VAT1L: variants seen among roughly 807,000 people sequenced by gnomAD.
VAT1L encodes the protein putative NADPH-dependent quinone oxidoreductase VAT1L.
A neutral mutation model predicts 44.1 loss-of-function variants in VAT1L; 34 were observed. That is an observed-to-expected ratio of 0.77 (90% CI 0.59 to 1.03). The LOEUF is 1.03. Ranked by LOEUF, VAT1L falls within the 50% of genes least tolerant of loss-of-function variation. VAT1L has a pLI of 0.00. For synonymous variants in VAT1L, 253 were observed against 202.2 expected (o/e 1.25, Z -2.13); for missense variants, 615 against 538.8 (o/e 1.14, Z -1.40).
At chr16:77,852,897 G>A (rs1386259582) in intron 3 of VAT1L, among the ~76,000 whole-genome samples, 1 of 152,174 alleles carries the variant, frequency 6.6e-6, no homozygotes, top group African/African-American at 2.4e-5. Context: ...TGGGAAATGA[G>A]GATGAACTAG....
chr16:77,841,341 C>T (rs933805621), intron 3 of VAT1L, among the ~76,000 whole-genome samples: 1 of 152,192 alleles, frequency 6.6e-6, no homozygotes, highest in East Asian at 1.9e-4. Flanking sequence ...CCTTGGTCTC[C>T]CAAAGTGCTA....
intron 7 of VAT1L, among the ~76,000 whole-genome samples, chr16:77,900,631 G>T (rs955511850): frequency 6.6e-6 from 1 of 150,970 alleles, no homozygotes; most frequent in Non-Finnish European, 1.5e-5. Context: ...GGAGGCAGAG[G>T]TTGCAGTGAG....
chr16:77,793,554 G>C (rs1185103125), intron 1 of VAT1L, among the ~76,000 whole-genome samples: 1 of 152,198 alleles, frequency 6.6e-6, no homozygotes. Flanking sequence ...CTGGCAGAGG[G>C]TCTCCAGGTT....
intron 7 of VAT1L, among the ~76,000 whole-genome samples, chr16:77,919,810 G>T (rs938255117): frequency 3.3e-5 from 5 of 152,096 alleles, no homozygotes; most frequent in African/African-American, 7.2e-5. Flanking sequence ...AACCTTGGCC[G>T]GGCGTGGTAG....
At chr16:77,882,054 C>T (rs911474760) in intron 6 of VAT1L, 6 of 152,156 alleles carry the variant, frequency 3.9e-5, no homozygotes, top group South Asian at 4.1e-4. Context: ...ATTTCCAGAA[C>T]GCTTTGTACC....
At chr16:77,973,635 A>C (rs1322476303) in intron 8 of VAT1L, among the ~76,000 whole-genome samples, 1 of 150,242 alleles carries the variant, frequency 6.7e-6, no homozygotes, top group Non-Finnish European at 1.5e-5. Flanking sequence ...TTGTTTCTTC[A>C]TTTACATACA....
intron 4 of VAT1L, among the ~76,000 whole-genome samples, chr16:77,872,985 TG>T (rs2017047834): frequency 6.6e-6 from 1 of 152,212 alleles, no homozygotes; most frequent in African/African-American, 2.4e-5. Context: ...AGAAATCTTT[TG>T]GTCTAGATGT....
intron 7 of VAT1L, among the ~76,000 whole-genome samples, chr16:77,916,307 G>A (rs1178809664): frequency 6.6e-6 from 1 of 152,138 alleles, no homozygotes; most frequent in Non-Finnish European, 1.5e-5. Context: ...CCCTGCAACA[G>A]CGTCCTTACA....
chr16:77,877,404 G>A (rs889818704), intron 5 of VAT1L, among the ~76,000 whole-genome samples: 2 of 151,600 alleles, frequency 1.3e-5, no homozygotes, highest in African/African-American at 4.9e-5. Context: ...CAGCTACTCG[G>A]GAGGCTGAGG....
At chr16:77,943,345 T>G (rs1423751244) in intron 7 of VAT1L, among the ~76,000 whole-genome samples, 1 of 151,282 alleles carries the variant, frequency 6.6e-6, no homozygotes, top group Non-Finnish European at 1.5e-5. Context: ...ATTACAGGCG[T>G]GAACCACCGC....
chr16:77,864,267 C>T (rs1420143011), intron 4 of VAT1L, among the ~76,000 whole-genome samples: 3 of 152,106 alleles, frequency 2.0e-5, no homozygotes, highest in Non-Finnish European at 4.4e-5. Flanking sequence ...TTGTTACGTA[C>T]AAAGGTATTA....
intron 1 of VAT1L, among the ~76,000 whole-genome samples, chr16:77,792,041 G>A (rs1289285657): frequency 6.6e-6 from 1 of 152,152 alleles, no homozygotes; most frequent in East Asian, 1.9e-4. Flanking sequence ...GCCCCTGGGG[G>A]ATGTGTCTCA....
In VAT1L at chr16:77,962,779, A is replaced by AAGGAAGGAAG. The variant is rs1194896172; in HGVS notation, c.1078-9071_1078-9070insAGGAAGGAAG. On this transcript the variant is annotated intron_variant, in intron 7 of 8. Coordinates refer to ENST00000302536, the MANE Select transcript of VAT1L (RefSeq NM_020927.3). ...AGGAAGGAAGGAAGGAAGGAAGGAA[A>AAGGAAGGAAG]GAAAGAGAAAAGAAAAAATAGCTAG... is the stretch of plus-strand genomic sequence containing the variant. Among the ~76,000 whole-genome samples the AAGGAAGGAAG allele has an allele frequency of 4.1e-3, 183 of 44,224 alleles. 1 individual carries two copies. Among genetic ancestry groups the AAGGAAGGAAG allele is most frequent in the Non-Finnish European group, 3.3e-3 (55 of 16,796 alleles). 29.0% of individuals were successfully genotyped at this position (44,224 alleles called of 152,430 possible).
At chr16:77,905,226 T>C (rs1171508228) in intron 7 of VAT1L, among the ~76,000 whole-genome samples, 1 of 152,232 alleles carries the variant, frequency 6.6e-6, no homozygotes, top group Non-Finnish European at 1.5e-5. Context: ...ATAATTTTCC[T>C]ATGGCTAAAA....
rs2018380214 is a variant in VAT1L, at chr16:77,979,757, A to G, written c.*2062A>G. 1 of 152,662 alleles carries G rather than the reference A, an allele frequency of 6.6e-6. No homozygotes were observed. The highest frequency in any genetic ancestry group is 2.4e-5 in the African/African-American group (1 of 41,468). 9.5% of individuals were successfully genotyped at this position (152,662 alleles called of 1,614,324 possible). A position where few individuals can be genotyped will look rare whatever the true frequency, so the allele number is the denominator to read the frequency against. On this transcript the variant is annotated 3_prime_UTR_variant, in exon 9 of 9. Transcript: ENST00000302536. Reference sequence around the variant, plus strand: ...ATCCAGTAATCGCAAATTACTCCAGATGGTTAAAGAAAACCCTTTCAGAAT... The same window carrying G: ...ATCCAGTAATCGCAAATTACTCCAGGTGGTTAAAGAAAACCCTTTCAGAAT...
At chr16:77,895,144 T>C (rs2017310315) in intron 7 of VAT1L, among the ~76,000 whole-genome samples, 1 of 84,882 alleles carries the variant, frequency 1.2e-5, no homozygotes, top group African/African-American at 6.2e-5. Context: ...TCTACGCACA[T>C]TCTCCCAGCT....
At chr16:77,812,336 G>A (rs554441668) in intron 1 of VAT1L, among the ~76,000 whole-genome samples, 3 of 152,246 alleles carry the variant, frequency 2.0e-5, no homozygotes, top group East Asian at 1.9e-4. Context: ...GCCTCCCAAA[G>A]TGCTGGGATT....
intron 1 of VAT1L, among the ~76,000 whole-genome samples, chr16:77,811,904 A>G (rs1039096275): frequency 4.6e-5 from 7 of 152,098 alleles, no homozygotes; most frequent in Non-Finnish European, 1.0e-4. Context: ...GATTTTGATA[A>G]TGTTTGAAAC....
At chr16:77,908,322 C>G (rs1341752072) in intron 7 of VAT1L, among the ~76,000 whole-genome samples, 2 of 150,920 alleles carry the variant, frequency 1.3e-5, no homozygotes, top group Admixed American at 1.3e-4. Flanking sequence ...ATTAGCCACA[C>G]GTGGTGGTGA....
Sources: allele counts gnomAD v4.1 joint callset (sites outside exome capture counted in the v4.1 genomes callset), GRCh38; gene constraint gnomAD v4.1.1; transcripts MANE v1.5; gene names NCBI Gene and HGNC (gene_info 2026-07-23, HGNC 2026-07-21).